Variants in PTPRZ1 observed in about 807,000 individuals in gnomAD.
PTPRZ1 encodes the protein receptor-type tyrosine-protein phosphatase zeta.
In PTPRZ1, 82 loss-of-function variants were observed where a neutral mutation model predicts 214.1. The observed-to-expected ratio is 0.38, with a 90% CI of 0.32 to 0.46. PTPRZ1 has a LOEUF of 0.46. Ranked by LOEUF, PTPRZ1 falls within the 20% of genes least tolerant of loss-of-function variation. The probability of loss-of-function intolerance (pLI) is 1.00; values close to 1 mark genes in which losing one functional copy is unlikely to be tolerated. For missense variants in PTPRZ1, 2,603 were observed against 2,748.7 expected (o/e 0.95, Z 1.19); for synonymous variants, 945 against 987.9 (o/e 0.96, Z 0.81).
chr7:122,016,321 T>G (rs1172340869), intron 12 of PTPRZ1, among the ~76,000 whole-genome samples: 1 of 152,126 alleles, frequency 6.6e-6, no homozygotes, highest in Admixed American at 6.5e-5. Flanking sequence ...TTTTATTTCT[T>G]AATTACCTAT....
chr7:122,010,243 A>T, intron 11 of PTPRZ1, 91 bp from the exon 12 acceptor site: 16 of 1,271,736 alleles, frequency 1.3e-5, no homozygotes, highest in Non-Finnish European at 1.7e-5. Flanking sequence ...TTCCCAAGAT[A>T]CCACAAGTGA....
In PTPRZ1 at chr7:122,042,628, G is replaced by A. The variant is rs764054986; in HGVS notation, c.5822G>A (p.Gly1941Asp). The A allele has an allele frequency of 1.9e-6, 3 of 1,605,528 alleles. No individual in the cohort carries two copies. In the South Asian group the frequency reaches 3.3e-5, roughly 18 times the overall value. The change falls in exon 22 of 30, where the codon GGC (glycine) becomes GAC (aspartate). Residue 1941 changes from glycine (G) to aspartate (D), a missense_variant. Gly to Asp is a moderately conservative substitution (Grantham distance 94). This residue lies in a region of PTPRZ1 where 1,913 missense variants were observed against 1,914.3 expected (regional missense o/e 1.00). Coordinates refer to ENST00000393386, the MANE Select transcript of PTPRZ1 (RefSeq NM_002851.3). ...TTCAGTGCTGGAGTTGGAAGAACAG[G>A]CACATATATTGTGCTAGACAGTATG... ...VHCSAGVGRT[G>D]TYIVLDSMLQ...
At chr7:121,973,940 G>GA (rs371692415) in intron 4 of PTPRZ1, among the ~76,000 whole-genome samples, 19,940 of 86,144 alleles carry the variant, frequency 0.23, 2,589 homozygotes, top group East Asian at 0.34. Context: ...TCTCAAAAAA[G>GA]AAAAAAAAAA....
chr7:121,901,169 T>C (rs1794945529), intron 1 of PTPRZ1, among the ~76,000 whole-genome samples: 1 of 152,136 alleles, frequency 6.6e-6, no homozygotes, highest in Non-Finnish European at 1.5e-5. Context: ...ATGAAAGTAG[T>C]AACAGAGAGC....
At chr7:122,051,283 A>G (rs1474816046) in intron 23 of PTPRZ1, 145 bp from the exon 24 acceptor site, 2 of 473,352 alleles carry the variant, frequency 4.2e-6, no homozygotes, top group Non-Finnish European at 3.6e-6. Context: ...AATTCAAGGA[A>G]TTGTTGGAAA....
chr7:121,892,359 A>G (rs758153544), intron 1 of PTPRZ1, among the ~76,000 whole-genome samples: 5 of 152,156 alleles, frequency 3.3e-5, no homozygotes, highest in Middle Eastern at 3.4e-3. Context: ...TTCCACCTCA[A>G]GGTCACTTCT....
intron 2 of PTPRZ1, among the ~76,000 whole-genome samples, chr7:121,957,828 G>C (rs1340084706): frequency 4.6e-5 from 7 of 152,116 alleles, no homozygotes; most frequent in African/African-American, 2.4e-5. Flanking sequence ...AAATACTAGG[G>C]CATGAACATC....
intron 2 of PTPRZ1, among the ~76,000 whole-genome samples, chr7:121,960,644 A>G (rs1796846187): frequency 6.6e-6 from 1 of 152,336 alleles, no homozygotes; most frequent in Non-Finnish European, 1.5e-5. Context: ...CAATGCAAAA[A>G]TGAGAGAAAA....
intron 2 of PTPRZ1, among the ~76,000 whole-genome samples, chr7:121,966,055 A>G (rs957698615): frequency 1.3e-5 from 2 of 152,122 alleles, no homozygotes; most frequent in Admixed American, 1.3e-4. Context: ...CTGATTAGGG[A>G]AATATTTTGA....
intron 1 of PTPRZ1, among the ~76,000 whole-genome samples, chr7:121,914,388 G>T (rs1795359665): frequency 6.6e-6 from 1 of 152,012 alleles, no homozygotes; most frequent in Non-Finnish European, 1.5e-5. Flanking sequence ...ATTGTTTAAG[G>T]TCCCAAGTAA....
At chr7:122,031,995 A>G (rs972698668) in intron 15 of PTPRZ1, 2 of 152,238 alleles carry the variant, frequency 1.3e-5, no homozygotes, top group African/African-American at 4.8e-5. Flanking sequence ...TAACACTTAC[A>G]TTATACCAGG....
intron 27 of PTPRZ1, 64 bp from the exon 28 acceptor site, chr7:122,058,736 C>A: frequency 1.4e-6 from 2 of 1,429,174 alleles, no homozygotes; most frequent in Non-Finnish European, 1.9e-6. Flanking sequence ...CCTGATTTTC[C>A]TCAATGATTC....
At chr7:121,879,064 A>C (rs1368430989) in intron 1 of PTPRZ1, among the ~76,000 whole-genome samples, 2 of 152,160 alleles carry the variant, frequency 1.3e-5, no homozygotes, top group East Asian at 3.9e-4. Context: ...AATACACGTA[A>C]GCATATAGGC....
intron 1 of PTPRZ1, among the ~76,000 whole-genome samples, chr7:121,906,029 G>C (rs1795106349): frequency 6.6e-6 from 1 of 152,136 alleles, no homozygotes; most frequent in Non-Finnish European, 1.5e-5. Context: ...AAAAGCTGTG[G>C]TTTTCTGTGT....
intron 2 of PTPRZ1, among the ~76,000 whole-genome samples, chr7:121,953,877 G>A (rs1796631510): frequency 6.6e-6 from 1 of 152,066 alleles, no homozygotes; most frequent in South Asian, 2.1e-4. Context: ...GGCCGTAAAG[G>A]ATGACAAGGG....
At chr7:122,052,565 C>T (rs901523138) in intron 25 of PTPRZ1, among the ~76,000 whole-genome samples, 3 of 152,122 alleles carry the variant, frequency 2.0e-5, no homozygotes, top group African/African-American at 7.2e-5. Flanking sequence ...TAAGGAATAT[C>T]TATGCAGGAA....
chr7:121,908,356 TCC>T, intron 1 of PTPRZ1: 14 of 264,650 alleles, frequency 5.3e-5, no homozygotes, highest in Non-Finnish European at 8.1e-5. Flanking sequence ...TGTAGATCAA[TCC>T]CTTTGGAAAA....
intron 2 of PTPRZ1, among the ~76,000 whole-genome samples, chr7:121,944,071 G>A (rs1309421848): frequency 2.6e-5 from 4 of 152,178 alleles, no homozygotes; most frequent in Non-Finnish European, 5.9e-5. Context: ...ATAGAGATGA[G>A]TTAAGTTTTT....
chr7:122,038,509 C>CTTTTT (rs140553499), intron 18 of PTPRZ1, among the ~76,000 whole-genome samples: 7 of 106,260 alleles, frequency 6.6e-5, no homozygotes, highest in East Asian at 2.8e-4. Context: ...GAGAGCTATT[C>CTTTTT]TTTTTTTTTT....
Sources: allele counts gnomAD v4.1 joint callset (sites outside exome capture counted in the v4.1 genomes callset), GRCh38; gene constraint gnomAD v4.1.1; regional missense constraint gnomAD v4.1.1; transcripts MANE v1.5; gene names NCBI Gene and HGNC (gene_info 2026-07-23, HGNC 2026-07-21).